Variants in ESPN observed in about 807,000 individuals in gnomAD.
ESPN encodes autosomal recessive deafness type 36 protein.
In ESPN, 68 loss-of-function variants were observed where a neutral mutation model predicts 77.7. The ratio of observed to expected loss-of-function variants is 0.87; its 90% CI spans 0.72 to 1.07. The LOEUF (loss-of-function observed/expected upper bound fraction) is 1.07. ESPN is among the 50% of genes least tolerant of loss of function. The pLI is 0.00. For synonymous variants in ESPN, 449 were observed against 567.1 expected, an observed-to-expected ratio of 0.79 and a Z score of 2.96; for missense variants, 1,060 against 1,239.0, an observed-to-expected ratio of 0.86 and a Z score of 2.17.
In ESPN at chr1:6,427,306, C is replaced by T. The variant is rs184751652; in HGVS notation, c.295-920C>T. ...GTTCCCGAACCAGTACCCACTCTGC[C>T]AAGTGCGGCAGCCTCTGTGTCTAGA... On this transcript the variant is annotated intron_variant, in intron 1 of 12. Coordinates refer to ENST00000645284, the MANE Select transcript of ESPN (RefSeq NM_031475.3). The surrounding 1 kb of genome is among the most constrained non-coding windows in gnomAD (Gnocchi z 4.6). Among the ~76,000 whole-genome samples, 3 of 152,250 alleles carry T rather than the reference C, an allele frequency of 2.0e-5. No individual in the cohort carries two copies. The highest frequency in any genetic ancestry group is 6.5e-5 in the Admixed American group (1 of 15,304).
chr1:6,449,320 C>G (rs1197717446), intron 8 of ESPN, among the ~76,000 whole-genome samples: 1 of 152,216 alleles, frequency 6.6e-6, no homozygotes, highest in East Asian at 1.9e-4. Flanking sequence ...GTCCCTTCCC[C>G]AATCTGGGCC....
rs117053591 is a variant in ESPN at position 6,451,840 on chromosome 1, C to T, written c.2069C>T (p.Ser690Leu). Reference protein sequence around the residue: ...GIGQPAFQPDSPLPSVSPALS... With the variant: ...GIGQPAFQPDLPLPSVSPALS... ...CACCGCTTCTCCCTGCAGCCCGATT[C>T]GCCGCTGCCTTCTGTGTCACCTGCA... The change falls in exon 10 of 13, where the codon TCG becomes TTG. Residue 690 changes from serine to leucine, a missense_variant. Coordinates refer to ENST00000645284, the MANE Select transcript of ESPN (RefSeq NM_031475.3). The surrounding 1 kb of genome is among the most constrained non-coding windows in gnomAD (Gnocchi z 4.3). 1.8e-5 allele frequency: 29 copies of T among 1,611,252 alleles called. No individual in the cohort carries two copies. In the East Asian group the frequency reaches 4.2e-4, roughly 24 times the overall value.
rs1197523646 is a variant in ESPN, at chr1:6,448,967, G to GCCGCCCCCA, written c.1797_1805dup (p.Pro603_Pro605dup). On this transcript the variant is annotated inframe_insertion, in exon 8 of 13. Transcript: ENST00000645284. ...CCAAGGCGTCCAGGGAGCTGCCACCGCCGCCCCCACCGCCGCCGCCGCCCC... is the reference window on the plus strand; with the variant it reads ...CCAAGGCGTCCAGGGAGCTGCCACCGCCGCCCCCACCGCCCCCACCGCCGCCGCCGCCCC... 7 of 1,406,292 alleles carry GCCGCCCCCA rather than the reference G, an allele frequency of 5.0e-6. No individual in the cohort carries two copies. The African/African-American group carries it at 9.1e-5, about 18-fold the overall frequency. The allele number at this position is 1,406,292 out of a possible 1,614,324, so 87.1% of individuals were successfully genotyped here. A position where few individuals can be genotyped will look rare whatever the true frequency, so the allele number is the denominator to read the frequency against.
chr1:6,449,544 C>T (rs1418516811), intron 8 of ESPN, among the ~76,000 whole-genome samples: 1 of 152,232 alleles, frequency 6.6e-6, no homozygotes, highest in African/African-American at 2.4e-5. Context: ...GCCCGTCTAT[C>T]CTGAGCCTCT....
chr1:6,452,153 A>T (rs1643958345), intron 10 of ESPN, 57 bp downstream of exon 10: 3 of 1,484,294 alleles, frequency 2.0e-6, no homozygotes, highest in Admixed American at 2.1e-5. Flanking sequence ...TGCACAGCCC[A>T]TCCCCCACGC....
rs1400821827 is a variant in ESPN at position 6,449,028 on chromosome 1, C to T, written c.1852C>T (p.Pro618Ser). 1 of 1,475,948 alleles carries T rather than the reference C, an allele frequency of 6.8e-7. No individual in the cohort carries two copies. Among genetic ancestry groups the T allele is most frequent in the Non-Finnish European group, 8.9e-7 (1 of 1,120,848 alleles). The allele number at this position is 1,475,948 out of a possible 1,614,324, so 91.4% of individuals were successfully genotyped here. ...CGCGAGTTCGCCACCGCCGGCCCCGCCTCTGCCCCTCGAGAGCGCTGGCCC... is the reference window on the plus strand; with the variant it reads ...CGCGAGTTCGCCACCGCCGGCCCCGTCTCTGCCCCTCGAGAGCGCTGGCCC... ...EAASSPPPAP[P>S]LPLESAGPGC... Residue 618 changes from proline to serine, a missense_variant, in exon 8 of 13, where the codon CCT becomes TCT. By Grantham distance (74) the Pro-to-Ser change is moderately conservative. Transcript: ENST00000645284.
At chr1:6,443,887 C>T (rs1055169993) in intron 5 of ESPN, among the ~76,000 whole-genome samples, 3 of 152,186 alleles carry the variant, frequency 2.0e-5, no homozygotes, top group Non-Finnish European at 2.9e-5. Context: ...CCGTCTGCAC[C>T]GGGAGGGGAC....
At position 6,448,672 on chromosome 1, in the gene ESPN, G is replaced by A. The variant is rs1480151877; in HGVS notation, c.1496G>A (p.Arg499Gln). ...LSSCDGHDGL[R>Q]RQDSSRKPRA... is the part of the protein sequence containing the mutation. ...TCCTGTGACGGCCACGACGGGCTGC[G>A]GAGGCAGGACTCCAGCCGCAAGCCC... Residue 499 changes from arginine to glutamine, a missense_variant, in exon 8 of 13, where the codon CGG (arginine) becomes CAG (glutamine). This residue lies in a region of ESPN where 130 missense variants were observed against 223.9 expected (regional missense o/e 0.58). Coordinates refer to ENST00000645284, the MANE Select transcript of ESPN (RefSeq NM_031475.3). The A allele has an allele frequency of 1.9e-6, 3 of 1,558,898 alleles. No individual in the cohort carries two copies. The highest frequency in any genetic ancestry group is 1.8e-5 in the Admixed American group (1 of 55,362).
intron 2 of ESPN, among the ~76,000 whole-genome samples, chr1:6,431,554 C>G (rs1247649383): frequency 6.9e-6 from 1 of 144,252 alleles, no homozygotes; most frequent in African/African-American, 2.6e-5. Context: ...TCACTTGAAC[C>G]AGGGAGGCGG....
At chr1:6,439,011 C>A (rs1643529937) in intron 2 of ESPN, among the ~76,000 whole-genome samples, 1 of 152,172 alleles carries the variant, frequency 6.6e-6, no homozygotes, top group South Asian at 2.1e-4. Flanking sequence ...GCTTGGGAGG[C>A]TGAGGCAGGA....
chr1:6,426,558 C>T (rs1643041783), intron 1 of ESPN, among the ~76,000 whole-genome samples: 2 of 152,294 alleles, frequency 1.3e-5, no homozygotes, highest in East Asian at 1.9e-4. Context: ...TGGTCCACCA[C>T]GCACGAGGCT....
At chr1:6,430,067 T>C (rs1051679078) in intron 2 of ESPN, among the ~76,000 whole-genome samples, 39 of 152,172 alleles carry the variant, frequency 2.6e-4, no homozygotes, top group African/African-American at 9.4e-4. Context: ...CTTAACCTCC[T>C]ACCTTGGGGG....
At chr1:6,455,536 G>C (rs1312307492) in intron 10 of ESPN, 2 of 398,424 alleles carry the variant, frequency 5.0e-6, no homozygotes, top group Non-Finnish European at 8.9e-6. Flanking sequence ...CTGCTGCGTC[G>C]CGTGCCGGCA....
intron 12 of ESPN, among the ~76,000 whole-genome samples, chr1:6,459,521 C>T (rs2148551295): frequency 6.6e-6 from 1 of 151,838 alleles, no homozygotes; most frequent in Middle Eastern, 3.4e-3. Context: ...TTAGTGACTA[C>T]TCTGTCAACA....
chr1:6,440,212 G>GTGAGGCGC, intron 2 of ESPN, 42 bp from the exon 3 acceptor site: 1 of 1,535,758 alleles, frequency 6.5e-7, no homozygotes, highest in Non-Finnish European at 8.8e-7. Context: ...CTCGGAGGGG[G>GTGAGGCGC]TGAGGCGCTG....
chr1:6,436,885 C>T (rs1020023484), intron 2 of ESPN, among the ~76,000 whole-genome samples: 2 of 152,158 alleles, frequency 1.3e-5, no homozygotes, highest in Non-Finnish European at 2.9e-5. Context: ...TGTCCTCAGG[C>T]CAAGGTGGAG....
At position 6,451,827 on chromosome 1, in the gene ESPN, C is replaced by T. The variant is rs2148538755; in HGVS notation, c.2062-6C>T. On this transcript the variant is annotated splice_region_variant and splice_polypyrimidine_tract_variant and intron_variant, in intron 9 of 12. Transcript: ENST00000645284. This position sits in a 1 kb window ranked among gnomAD's most constrained non-coding sequence, Gnocchi z 4.3. The stretch of plus-strand genomic sequence containing the variant: ...GGGCGCTCAGCCCCACCGCTTCTCC[C>T]TGCAGCCCGATTCGCCGCTGCCTTC... 2 of 1,611,218 alleles carry T rather than the reference C, an allele frequency of 1.2e-6. No individual in the cohort carries two copies. The highest frequency in any genetic ancestry group is 1.7e-6 in the Non-Finnish European group (2 of 1,179,258).
chr1:6,444,531 T>G lies in ESPN; in HGVS notation c.1041T>G (p.Ala347=). The change falls in exon 6 of 13, where the codon GCT becomes GCG. Residue 347 remains alanine, a synonymous_variant. Coordinates refer to ENST00000645284, the MANE Select transcript of ESPN (RefSeq NM_031475.3). ...LSRDPSAELE[A]KQPDSGMSSP... ...GGGATCCATCCGCAGAGCTGGAGGC[T>G]AAGCAGCCGGATTCAGGCATGTCCT... The G allele has an allele frequency of 6.2e-7, 1 of 1,614,226 alleles. No individual in the cohort carries two copies. The highest frequency in any genetic ancestry group is 8.5e-7 in the Non-Finnish European group (1 of 1,180,038).
At position 6,451,904 on chromosome 1, in the gene ESPN, G is replaced by C. The variant is rs1296221110; in HGVS notation, c.2133G>C (p.Gly711=). Residue 711 remains glycine (G), a synonymous_variant, in exon 10 of 13, where the codon GGG becomes GGC. Coordinates refer to ENST00000645284, the MANE Select transcript of ESPN (RefSeq NM_031475.3). This position sits in a 1 kb window ranked among gnomAD's most constrained non-coding sequence, Gnocchi z 4.3. ...PVRSPTPPAA[G]FQPLLNGSLV... is the part of the protein sequence containing the mutation. The stretch of plus-strand genomic sequence containing the variant: ...GGAGCCCCACACCGCCAGCTGCGGG[G>C]TTTCAGCCGCTGCTCAATGGAAGCT... 6.2e-7 allele frequency: 1 copy of C among 1,611,076 alleles called. No homozygotes were observed. The highest frequency in any genetic ancestry group is 1.1e-5 in the South Asian group (1 of 90,564).
Sources: allele counts gnomAD v4.1 joint callset (sites outside exome capture counted in the v4.1 genomes callset), GRCh38; gene constraint gnomAD v4.1.1; regional missense constraint gnomAD v4.1.1; non-coding constraint Gnocchi (gnomAD v3.1); transcripts MANE v1.5; gene names NCBI Gene and HGNC (gene_info 2026-07-23, HGNC 2026-07-21).